Variants in WSCD2 observed in about 807,000 individuals in gnomAD.
WSCD2 encodes WSC domain sialate O sulfotransferase 2, also known as sialate:O-sulfotransferase 2.
In WSCD2, 28 loss-of-function variants were observed where a neutral mutation model predicts 55.7. The observed-to-expected ratio is 0.50, with a 90% CI of 0.37 to 0.69. The LOEUF (loss-of-function observed/expected upper bound fraction) is 0.69. WSCD2 is among the 30% of genes least tolerant of loss of function. WSCD2 has a pLI of 0.00. For missense variants in WSCD2, 616 were observed against 762.1 expected (o/e 0.81, Z 2.26); for synonymous variants, 301 against 301.9 (o/e 1.00, Z 0.03).
At chr12:108,184,505 T>C (rs1277310975) in intron 1 of WSCD2, among the ~76,000 whole-genome samples, 2 of 152,148 alleles carry the variant, frequency 1.3e-5, no homozygotes, top group African/African-American at 4.8e-5. Flanking sequence ...CAAATGGCAA[T>C]TTGCTCGTGT....
At chr12:108,139,031 A>G (rs1025161242) in intron 1 of WSCD2, among the ~76,000 whole-genome samples, 2 of 152,162 alleles carry the variant, frequency 1.3e-5, no homozygotes, top group Non-Finnish European at 1.5e-5. Context: ...TAGACGCTCA[A>G]TGTTTGTTGA....
intron 6 of WSCD2, among the ~76,000 whole-genome samples, chr12:108,230,961 G>T (rs958389282): frequency 1.3e-5 from 2 of 152,184 alleles, no homozygotes; most frequent in Non-Finnish European, 2.9e-5. Context: ...AGGGGAGCTG[G>T]TGGTCGCTGG....
At chr12:108,188,136 GT>G (rs1882740578) in intron 1 of WSCD2, among the ~76,000 whole-genome samples, 1 of 152,124 alleles carries the variant, frequency 6.6e-6, no homozygotes, top group Non-Finnish European at 1.5e-5. Flanking sequence ...ATTTTCTTGA[GT>G]TTTGGGGAAG....
chr12:108,197,107 T>G (rs372325256), intron 2 of WSCD2: 2 of 152,154 alleles, frequency 1.3e-5, no homozygotes. Flanking sequence ...CTACAATTCA[T>G]AAGATTAACA....
chr12:108,142,293 T>C (rs573251384), intron 1 of WSCD2, among the ~76,000 whole-genome samples: 3 of 152,332 alleles, frequency 2.0e-5, no homozygotes, highest in Admixed American at 1.3e-4. Context: ...ATAACAATTA[T>C]GTATTTCATT....
intron 1 of WSCD2, among the ~76,000 whole-genome samples, chr12:108,161,759 G>A (rs1754881073): frequency 6.6e-6 from 1 of 152,222 alleles, no homozygotes; most frequent in African/African-American, 2.4e-5. Flanking sequence ...TGACCAGCAT[G>A]TTCAGTCCTG....
At chr12:108,143,681 G>A (rs1442017994) in intron 1 of WSCD2, among the ~76,000 whole-genome samples, 4 of 152,110 alleles carry the variant, frequency 2.6e-5, no homozygotes, top group Non-Finnish European at 5.9e-5. Context: ...GGCCAGACAG[G>A]GGCCCGTCAG....
intron 1 of WSCD2, among the ~76,000 whole-genome samples, chr12:108,161,762 C>T (rs540827532): frequency 2.1e-4 from 32 of 152,310 alleles, no homozygotes; most frequent in African/African-American, 7.2e-4. Flanking sequence ...CCAGCATGTT[C>T]AGTCCTGTGA....
At chr12:108,211,033 TA>T (rs946903147) in intron 4 of WSCD2, among the ~76,000 whole-genome samples, 3 of 152,216 alleles carry the variant, frequency 2.0e-5, no homozygotes, top group African/African-American at 4.8e-5. Flanking sequence ...TGACAGCTAG[TA>T]ACTATTTATA....
chr12:108,135,223 T>C (rs1876060441), intron 1 of WSCD2, among the ~76,000 whole-genome samples: 1 of 152,228 alleles, frequency 6.6e-6, no homozygotes, highest in Non-Finnish European at 1.5e-5. Flanking sequence ...TGATATTCAG[T>C]GTTTGCTCAG....
chr12:108,203,464 T>A (rs777297912), intron 2 of WSCD2, among the ~76,000 whole-genome samples: 12 of 152,274 alleles, frequency 7.9e-5, no homozygotes, highest in Middle Eastern at 3.4e-3. Flanking sequence ...AAATGGGTCA[T>A]GTGTCCTTCC....
At chr12:108,137,785 G>A (rs978861341) in intron 1 of WSCD2, among the ~76,000 whole-genome samples, 8 of 152,198 alleles carry the variant, frequency 5.3e-5, no homozygotes, top group African/African-American at 1.9e-4. Context: ...ACTAATAAAT[G>A]TTTCTGTGTA....
intron 1 of WSCD2, among the ~76,000 whole-genome samples, chr12:108,169,420 C>A (rs201611787): frequency 5.3e-5 from 8 of 152,008 alleles, no homozygotes; most frequent in African/African-American, 1.9e-4. Context: ...TAGGGTATTC[C>A]CCTAGCTCTG....
chr12:108,246,149 C>T (rs1053009536), intron 8 of WSCD2, among the ~76,000 whole-genome samples: 2 of 152,234 alleles, frequency 1.3e-5, no homozygotes, highest in Non-Finnish European at 2.9e-5. Flanking sequence ...GGCTGTGTGG[C>T]CATGAACAAG....
chr12:108,225,867 T>C (rs1487008362), intron 5 of WSCD2, among the ~76,000 whole-genome samples: 1 of 152,164 alleles, frequency 6.6e-6, no homozygotes, highest in Non-Finnish European at 1.5e-5. Flanking sequence ...AGGAGAACCA[T>C]CCCTCCTCCA....
chr12:108,246,869 A>G (rs1890127929), intron 8 of WSCD2, among the ~76,000 whole-genome samples: 1 of 152,106 alleles, frequency 6.6e-6, no homozygotes. Flanking sequence ...GGGGACGGAG[A>G]GAGGAATTGT....
intron 1 of WSCD2, among the ~76,000 whole-genome samples, chr12:108,167,769 T>C (rs556726048): frequency 7.2e-5 from 11 of 152,232 alleles, no homozygotes; most frequent in Non-Finnish European, 1.5e-4. Context: ...TTATTGTTTC[T>C]GATTAGAATA....
At chr12:108,236,372 C>T (rs1017364034) in intron 7 of WSCD2, among the ~76,000 whole-genome samples, 2 of 152,186 alleles carry the variant, frequency 1.3e-5, no homozygotes, top group African/African-American at 2.4e-5. Flanking sequence ...GGGTCCACTC[C>T]ACCAGTGAGC....
chr12:108,142,474 T>G (rs1178486807), intron 1 of WSCD2, among the ~76,000 whole-genome samples: 1 of 152,190 alleles, frequency 6.6e-6, no homozygotes, highest in Non-Finnish European at 1.5e-5. Context: ...GTAAGGCAGA[T>G]CTCGCTCAAG....
Sources: allele counts gnomAD v4.1 joint callset (sites outside exome capture counted in the v4.1 genomes callset), GRCh38; gene constraint gnomAD v4.1.1; transcripts MANE v1.5; gene names NCBI Gene and HGNC (gene_info 2026-07-23, HGNC 2026-07-21).